Variants in PAPPA2 observed in about 807,000 individuals in gnomAD.
PAPPA2 encodes the protein pappalysin 2, also known as pappalysin-2.
PAPPA2 carries 86 observed loss-of-function variants against 176.4 expected under a neutral mutation model. The ratio of observed to expected loss-of-function variants is 0.49; its 90% CI spans 0.41 to 0.58. The LOEUF (loss-of-function observed/expected upper bound fraction) is 0.58. Among genes scored for constraint, PAPPA2 ranks in the 20% least tolerant of loss-of-function variants. The pLI is 0.00. For synonymous variants in PAPPA2, 809 were observed against 852.2 expected (o/e 0.95, Z 0.88); for missense variants, 2,073 against 2,256.9 (o/e 0.92, Z 1.65).
intron 1 of PAPPA2, among the ~76,000 whole-genome samples, chr1:176,467,779 C>T (rs1374677329): frequency 6.6e-6 from 1 of 152,182 alleles, no homozygotes; most frequent in Non-Finnish European, 1.5e-5. Flanking sequence ...TCAATTGGGT[C>T]TCATAACTGA....
intron 14 of PAPPA2, among the ~76,000 whole-genome samples, chr1:176,750,392 T>A (rs1468915462): frequency 6.6e-6 from 1 of 151,824 alleles, no homozygotes; most frequent in East Asian, 1.9e-4. Flanking sequence ...ATCGCCTGAG[T>A]TCAGGAGTTT....
intron 14 of PAPPA2, 121 bp from the exon 15 acceptor site, chr1:176,765,544 TC>T (rs1663922802): frequency 3.3e-6 from 3 of 897,244 alleles, no homozygotes; most frequent in Non-Finnish European, 3.4e-6. Context: ...GAGTTAAATA[TC>T]AGTTTTGGAG....
rs369136701 is a variant in PAPPA2 at position 176,690,318 on chromosome 1, C to T, written c.2319C>T (p.Asp773=). 2 of 1,614,054 alleles carry T rather than the reference C, an allele frequency of 1.2e-6. No individual in the cohort carries two copies. The highest frequency in any genetic ancestry group is 1.7e-6 in the Non-Finnish European group (2 of 1,180,028). ...PSMETGDLCA[D]TAPTPKSELC... ...TGGAAACGGGAGACCTCTGTGCCGA[C>T]ACCGCCCCCACTCCCAAGAGTGAGC... Residue 773 remains aspartate, a synonymous_variant, in exon 5 of 23, where the codon GAC becomes GAT. Transcript: ENST00000367662.
intron 3 of PAPPA2, among the ~76,000 whole-genome samples, chr1:176,661,424 G>A (rs1658354997): frequency 6.6e-6 from 1 of 151,650 alleles, no homozygotes; most frequent in Admixed American, 6.6e-5. Flanking sequence ...CTACAGAAAG[G>A]GAGGTGGGAA....
At chr1:176,640,461 C>T (rs922873547) in intron 3 of PAPPA2, among the ~76,000 whole-genome samples, 6 of 149,992 alleles carry the variant, frequency 4.0e-5, no homozygotes, top group South Asian at 2.1e-4. Context: ...TTCGTTCTTG[C>T]GATAGTTTAC....
chr1:176,782,853 G>A (rs141815050), intron 17 of PAPPA2, among the ~76,000 whole-genome samples: 231 of 152,286 alleles, frequency 1.5e-3, no homozygotes, highest in African/African-American at 5.4e-3. Context: ...GGAGAAGTGG[G>A]GTGTCCAGTT....
rs776764230 is a variant in PAPPA2 at position 176,793,618 on chromosome 1, G to C, written c.5079G>C (p.Glu1693Asp). 6.2e-7 allele frequency: 1 copy of C among 1,613,330 alleles called. No individual in the cohort carries two copies. Among genetic ancestry groups the C allele is most frequent in the Non-Finnish European group, 8.5e-7 (1 of 1,179,460 alleles). ...CCAGTGACCCCGTGATGCTACCTGAGAATATCACTGCTGACACTCTGGAGC... is the reference window on the plus strand; with the variant it reads ...CCAGTGACCCCGTGATGCTACCTGACAATATCACTGCTGACACTCTGGAGC... ...IPPSDPVMLP[E>D]NITADTLEHW... The change falls in exon 20 of 23, where the codon GAG becomes GAC. Residue 1693 changes from glutamate (E) to aspartate (D), a missense_variant. By Grantham distance (45) the Glu-to-Asp change is conservative (BLOSUM62 2). Coordinates refer to ENST00000367662, the MANE Select transcript of PAPPA2 (RefSeq NM_020318.3).
chr1:176,803,025 C>T (rs147826808), intron 21 of PAPPA2, among the ~76,000 whole-genome samples: 3 of 152,242 alleles, frequency 2.0e-5, no homozygotes, highest in South Asian at 2.1e-4. Flanking sequence ...ATTGTTGGTA[C>T]GTTCAATTCT....
At chr1:176,642,404 A>T (rs962530735) in intron 3 of PAPPA2, among the ~76,000 whole-genome samples, 1 of 151,852 alleles carries the variant, frequency 6.6e-6, no homozygotes, top group African/African-American at 2.4e-5. Flanking sequence ...TAGAAATAAT[A>T]CAAGCAAAAG....
intron 9 of PAPPA2, among the ~76,000 whole-genome samples, 183 bp downstream of exon 9, chr1:176,702,918 C>T (rs976358219): frequency 2.0e-5 from 3 of 152,016 alleles, no homozygotes; most frequent in African/African-American, 7.2e-5. Context: ...ATTCTAAAAT[C>T]TGGGACTTGG....
intron 21 of PAPPA2, among the ~76,000 whole-genome samples, chr1:176,803,569 ATCATTATATGAGTAGCTCTAC>A (rs1345284491): frequency 3.0e-4 from 45 of 152,292 alleles, no homozygotes; most frequent in Admixed American, 2.6e-4. Flanking sequence ...CGGTCACCAG[ATCATTATATGAGTAGCTCTAC>A]TCATTCCTAC....
chr1:176,746,470 G>A (rs1002084216), intron 14 of PAPPA2, among the ~76,000 whole-genome samples: 51 of 152,040 alleles, frequency 3.4e-4, no homozygotes, highest in African/African-American at 9.9e-4. Context: ...GCAGTGGCTC[G>A]ATCTTGGCTC....
intron 12 of PAPPA2, among the ~76,000 whole-genome samples, chr1:176,718,238 G>C (rs576039527): frequency 4.5e-4 from 69 of 151,784 alleles, no homozygotes; most frequent in Non-Finnish European, 8.2e-4. Context: ...ATAATATTCT[G>C]CTATTTTCTT....
At chr1:176,621,039 T>A (rs531128266) in intron 3 of PAPPA2, among the ~76,000 whole-genome samples, 2 of 152,126 alleles carry the variant, frequency 1.3e-5, no homozygotes, top group East Asian at 3.9e-4. Context: ...GGCAAAAGAA[T>A]GGCTCCTAAG....
chr1:176,822,639 G>T (rs1445328744), intron 21 of PAPPA2, among the ~76,000 whole-genome samples: 1 of 152,148 alleles, frequency 6.6e-6, no homozygotes, highest in Non-Finnish European at 1.5e-5. Flanking sequence ...TTTGTAAACT[G>T]CAAGGATCTC....
At chr1:176,640,652 G>C (rs1237052889) in intron 3 of PAPPA2, among the ~76,000 whole-genome samples, 1 of 151,900 alleles carries the variant, frequency 6.6e-6, no homozygotes, top group Non-Finnish European at 1.5e-5. Flanking sequence ...ATAAATATAC[G>C]TGTGCATGTG....
rs150888244 is a variant in PAPPA2 at position 176,665,965 on chromosome 1, G to A, written c.1992-5005G>A. 3.0e-3 allele frequency among the ~76,000 whole-genome samples: 460 copies of A among 152,296 alleles called. 4 individuals are homozygous for A. Among genetic ancestry groups the A allele is most frequent in the African/African-American group, 0.011 (445 of 41,566 alleles). ...AATAAGAATCTAATCTTAGAGGAGA[G>A]GTAGGAGTAGTTACATTTATGTTGG... On this transcript the variant is annotated intron_variant, in intron 3 of 22. Coordinates refer to ENST00000367662, the MANE Select transcript of PAPPA2 (RefSeq NM_020318.3).
intron 13 of PAPPA2, 43 bp downstream of exon 13, chr1:176,739,804 C>T (rs1353008555): frequency 1.2e-6 from 2 of 1,604,922 alleles, no homozygotes; most frequent in Admixed American, 1.7e-5. Flanking sequence ...AGAGGACAAC[C>T]CGGTAGACCC....
chr1:176,730,393 G>A (rs2102860979), intron 12 of PAPPA2, among the ~76,000 whole-genome samples: 1 of 151,618 alleles, frequency 6.6e-6, no homozygotes, highest in Admixed American at 6.6e-5. Flanking sequence ...CAAATTTAGT[G>A]CTGATATTTG....
Sources: gnomAD v4.1 joint callset for allele counts (sites outside exome capture counted in the v4.1 genomes callset) on GRCh38, gnomAD v4.1.1 for gene constraint, MANE v1.5 for transcripts, NCBI Gene and HGNC (gene_info 2026-07-23, HGNC 2026-07-21) for gene names.